C8orf34: variants seen among roughly 807,000 people sequenced by gnomAD.
C8orf34 encodes the protein uncharacterized protein C8orf34.
C8orf34 carries 65 observed loss-of-function variants against 68.3 expected under a neutral mutation model. That is an observed-to-expected ratio of 0.95 (90% confidence interval 0.78 to 1.17). The LOEUF (loss-of-function observed/expected upper bound fraction) is 1.17, where lower values mean the gene tolerates loss of function less well. C8orf34 is among the 50% of genes most tolerant of loss of function. C8orf34 has a pLI of 0.00. For missense variants in C8orf34, 664 were observed against 655.4 expected (o/e 1.01, Z -0.14); for synonymous variants, 244 against 241.2 (o/e 1.01, Z -0.11).
At chr8:68,784,777 C>T (rs1478412832) in intron 11 of C8orf34, among the ~76,000 whole-genome samples, 1 of 147,446 alleles carries the variant, frequency 6.8e-6, no homozygotes, top group Non-Finnish European at 1.5e-5. Context: ...TTTTGACATA[C>T]TTCCATCATT....
chr8:68,360,752 C>CTTTTTTTTTTTTTTTTTTTTTTTT, intron 1 of C8orf34, among the ~76,000 whole-genome samples: 1 of 144,192 alleles, frequency 6.9e-6, no homozygotes, highest in African/African-American at 2.7e-5. Context: ...CCTTTTCTTC[C>CTTTTTTTTTTTTTTTTTTTTTTTT]TTTCTTTTTT....
At chr8:68,473,912 C>T (rs1586213755) in intron 4 of C8orf34, among the ~76,000 whole-genome samples, 1 of 152,180 alleles carries the variant, frequency 6.6e-6, no homozygotes, top group East Asian at 1.9e-4. Flanking sequence ...ATTCTTCTGA[C>T]TCCCTGCTCA....
chr8:68,769,566 CGAA>C (rs1235105766), intron 10 of C8orf34, among the ~76,000 whole-genome samples: 1 of 152,014 alleles, frequency 6.6e-6, no homozygotes, highest in Non-Finnish European at 1.5e-5. Flanking sequence ...CTTACAAACT[CGAA>C]GTAATCAGCA....
chr8:68,813,126 C>T (rs1017402575), intron 12 of C8orf34, among the ~76,000 whole-genome samples: 4 of 152,294 alleles, frequency 2.6e-5, no homozygotes, highest in Non-Finnish European at 5.9e-5. Context: ...AAATAGTGTT[C>T]TAATCCATAA....
intron 5 of C8orf34, among the ~76,000 whole-genome samples, chr8:68,515,410 C>G (rs1010073956): frequency 6.7e-6 from 1 of 149,800 alleles, no homozygotes; most frequent in African/African-American, 2.5e-5. Context: ...GTTAATTTCT[C>G]ATCTTCACCA....
intron 7 of C8orf34, among the ~76,000 whole-genome samples, chr8:68,599,250 A>C (rs957796211): frequency 6.6e-6 from 1 of 152,098 alleles, no homozygotes. Context: ...AATAATATAT[A>C]TCATGCTTAT....
chr8:68,423,719 A>C (rs1253295058), intron 1 of C8orf34, among the ~76,000 whole-genome samples: 2 of 152,030 alleles, frequency 1.3e-5, no homozygotes, highest in South Asian at 4.2e-4. Flanking sequence ...CTGCTCTAAC[A>C]CTGCTATGAA....
intron 7 of C8orf34, chr8:68,535,170 G>T (rs1196795148): frequency 5.1e-6 from 5 of 984,534 alleles, no homozygotes; most frequent in Non-Finnish European, 6.0e-6. Context: ...GTATGTGATT[G>T]TGTCTATTTC....
chr8:68,765,781 T>C (rs764903228), intron 10 of C8orf34, among the ~76,000 whole-genome samples: 1 of 152,202 alleles, frequency 6.6e-6, no homozygotes, highest in Admixed American at 6.5e-5. Context: ...TTTCTCTAAA[T>C]CACTTGTGTA....
chr8:68,649,892 G>A (rs1040345479), intron 8 of C8orf34, among the ~76,000 whole-genome samples: 1 of 152,194 alleles, frequency 6.6e-6, no homozygotes, highest in Non-Finnish European at 1.5e-5. Context: ...ACCTGGGGAT[G>A]ATAATTTTTG....
chr8:68,481,758 A>G (rs1265392098), intron 4 of C8orf34, among the ~76,000 whole-genome samples: 6 of 152,158 alleles, frequency 3.9e-5, no homozygotes, highest in Admixed American at 3.9e-4. Flanking sequence ...GAATGGCTGT[A>G]TTTAACCAAT....
chr8:68,531,013 T>G (rs1303538664), intron 6 of C8orf34, among the ~76,000 whole-genome samples: 1 of 152,140 alleles, frequency 6.6e-6, no homozygotes, highest in Non-Finnish European at 1.5e-5. Context: ...ATGAACATTT[T>G]ACCATCTTTA....
intron 3 of C8orf34, among the ~76,000 whole-genome samples, chr8:68,448,566 T>C (rs932563460): frequency 6.6e-6 from 1 of 151,982 alleles, no homozygotes; most frequent in Non-Finnish European, 1.5e-5. Flanking sequence ...AGTAGACACA[T>C]TAGAATAGGA....
At chr8:68,768,747 A>G (rs189201107) in intron 10 of C8orf34, among the ~76,000 whole-genome samples, 3 of 152,286 alleles carry the variant, frequency 2.0e-5, no homozygotes, top group East Asian at 3.9e-4. Context: ...ACAATGTCAT[A>G]GGATATAGCC....
At chr8:68,650,311 G>C (rs537937191) in intron 8 of C8orf34, among the ~76,000 whole-genome samples, 1 of 152,170 alleles carries the variant, frequency 6.6e-6, no homozygotes, top group South Asian at 2.1e-4. Context: ...GAGGGGTCCA[G>C]AGAGGGGTCC....
intron 6 of C8orf34, chr8:68,530,468 G>T (rs1815196022): frequency 4.1e-6 from 1 of 243,338 alleles, no homozygotes; most frequent in Admixed American, 4.7e-5. Flanking sequence ...TGTTAATTCA[G>T]CTTAACATGT....
rs117327927 is a variant in C8orf34 at position 68,348,457 on chromosome 8, G to A, written c.327+17118G>A. 8.6e-3 allele frequency among the ~76,000 whole-genome samples: 1,300 copies of A among 151,996 alleles called. 41 individuals are homozygous for A. The East Asian group carries it at 0.1, about 12-fold the overall frequency. ...CCTTGACTATTCAGGCTTGTTTATCGTTCCATATGAATTTTAAAATAGTTT... is the reference window on the plus strand; with the variant it reads ...CCTTGACTATTCAGGCTTGTTTATCATTCCATATGAATTTTAAAATAGTTT... On this transcript the variant is annotated intron_variant, in intron 1 of 13. Coordinates refer to ENST00000518698, the MANE Select transcript of C8orf34 (RefSeq NM_052958.4).
At chr8:68,505,066 T>C (rs1251872976) in intron 5 of C8orf34, among the ~76,000 whole-genome samples, 1 of 151,862 alleles carries the variant, frequency 6.6e-6, no homozygotes, top group Non-Finnish European at 1.5e-5. Flanking sequence ...CTGCCTGCCT[T>C]GGCCTCCCAA....
At chr8:68,338,141 GC>G (rs1300663443) in intron 1 of C8orf34, among the ~76,000 whole-genome samples, 1 of 152,144 alleles carries the variant, frequency 6.6e-6, no homozygotes, top group African/African-American at 2.4e-5. Context: ...TCTGGTGAGG[GC>G]CCTCTTACTT....
Sources: allele counts gnomAD v4.1 joint callset (sites outside exome capture counted in the v4.1 genomes callset), GRCh38; gene constraint gnomAD v4.1.1; transcripts MANE v1.5; gene names NCBI Gene and HGNC (gene_info 2026-07-23, HGNC 2026-07-21).